Variants in TMEM237 observed in about 807,000 individuals in gnomAD.
TMEM237 encodes amyotrophic lateral sclerosis 2 (juvenile) chromosome region, candidate 4.
Under a neutral mutation model 59.1 loss-of-function variants are expected in TMEM237, and 51 were observed. The ratio of observed to expected loss-of-function variants is 0.86; its 90% CI spans 0.69 to 1.09. The LOEUF is 1.09. TMEM237 is among the 50% of genes least tolerant of loss of function. The probability of loss-of-function intolerance (pLI) is 0.00; values close to 1 mark genes in which losing one functional copy is unlikely to be tolerated. For missense variants in TMEM237, 475 were observed against 478.3 expected, an observed-to-expected ratio of 0.99 and a Z score of 0.06; for synonymous variants, 140 against 166.1, an observed-to-expected ratio of 0.84 and a Z score of 1.21.
Position 201,643,274 on chromosome 2 carries a change from G to GCCCCCCC in TMEM237, c.42+78_42+84dup. The stretch of plus-strand genomic sequence containing the variant: ...CCTTAGTGATTCCCAGCTCGTTGGC[G>GCCCCCCC]CCCCCCCACACACACCCACCCCCAC... On this transcript the variant is annotated intron_variant, in intron 1 of 12. Coordinates refer to ENST00000409883, the MANE Select transcript of TMEM237 (RefSeq NM_001044385.3). This position sits in a 1 kb window ranked among gnomAD's most constrained non-coding sequence, Gnocchi z 4.3. The GCCCCCCC allele has an allele frequency of 2.5e-6, 3 of 1,206,758 alleles. No homozygotes were observed. Among genetic ancestry groups the GCCCCCCC allele is most frequent in the South Asian group, 2.7e-5 (2 of 74,070 alleles). 74.8% of individuals were successfully genotyped at this position (1,206,758 alleles called of 1,614,324 possible).
intron 7 of TMEM237, 59 bp downstream of exon 7, chr2:201,631,992 A>G: frequency 6.4e-7 from 1 of 1,564,652 alleles, no homozygotes; most frequent in South Asian, 1.2e-5. Flanking sequence ...CAGAAGTATA[A>G]AGGATATCCT....
intron 12 of TMEM237, among the ~76,000 whole-genome samples, chr2:201,625,145 G>A (rs527966525): frequency 5.2e-4 from 79 of 152,208 alleles, no homozygotes; most frequent in African/African-American, 1.8e-3. Context: ...GGCGGATCAC[G>A]AGGTCAGGAG....
chr2:201,629,490 C>A (rs1038805743), intron 8 of TMEM237, 69 bp from the exon 9 acceptor site: 2 of 1,409,602 alleles, frequency 1.4e-6, no homozygotes, highest in African/African-American at 2.9e-5. Flanking sequence ...TGTTTAAAAT[C>A]TCTTCATATA....
chr2:201,638,246 TTTG>T (rs1687341845), intron 4 of TMEM237, among the ~76,000 whole-genome samples: 1 of 152,176 alleles, frequency 6.6e-6, no homozygotes, highest in African/African-American at 2.4e-5. Context: ...CTTTTATGTT[TTTG>T]TTGTTGTTTG....
chr2:201,624,679 G>T (rs920305506), intron 12 of TMEM237, among the ~76,000 whole-genome samples: 1 of 152,126 alleles, frequency 6.6e-6, no homozygotes, highest in African/African-American at 2.4e-5. Context: ...AAACATAGGG[G>T]ACAGATACAG....
At position 201,625,294 on chromosome 2, in the gene TMEM237, G is replaced by A. The variant is rs897974064; in HGVS notation, c.1159+732C>T. Among the ~76,000 whole-genome samples the A allele has an allele frequency of 9.2e-5, 14 of 151,998 alleles. 1 individual carries two copies. The highest frequency in any genetic ancestry group is 2.7e-4 in the African/African-American group (11 of 41,428). Reference sequence around the variant, plus strand: ...GGAGAATGACATGAACCCGGGAGGCGGAGCTTGCAGTGAGCCCAGATCGAG... The same window carrying A: ...GGAGAATGACATGAACCCGGGAGGCAGAGCTTGCAGTGAGCCCAGATCGAG... On this transcript the variant is annotated intron_variant, in intron 12 of 12. Coordinates refer to ENST00000409883, the MANE Select transcript of TMEM237 (RefSeq NM_001044385.3).
At position 201,640,930 on chromosome 2, in the gene TMEM237, G is replaced by C; in HGVS notation, c.43-6C>G. ...GGAAGAGCTCGTGGAGGACGCTGTGGCGGAAAAAATAAATTTGCTTGTAAG... is the reference window on the plus strand; with the variant it reads ...GGAAGAGCTCGTGGAGGACGCTGTGCCGGAAAAAATAAATTTGCTTGTAAG... On this transcript the variant is annotated splice_polypyrimidine_tract_variant and splice_region_variant and intron_variant, in intron 1 of 12. Transcript: ENST00000409883. The C allele has an allele frequency of 6.2e-7, 1 of 1,602,036 alleles. No individual in the cohort carries two copies.
Position 201,627,326 on chromosome 2 carries a change from G to C in TMEM237, c.1032C>G (p.Ser344Arg), listed in dbSNP as rs1559584905. 1.2e-6 allele frequency: 2 copies of C among 1,602,924 alleles called. No homozygotes were observed. The highest frequency in any genetic ancestry group is 2.7e-5 in the African/African-American group (2 of 74,860). ...ATGTCATTGTGAATTCTTACCAGAG[G>C]CTACCATTAACAGAAGAAGGTGTGT... ...HLYTPSSVNG[S>R]LWEAGIEEQI... Residue 344 changes from serine to arginine, a missense_variant, in exon 11 of 13, where the codon AGC (serine) becomes AGG (arginine). By Grantham distance (110) the Ser-to-Arg change is moderately radical (BLOSUM62 -1). Transcript: ENST00000409883.
rs1480186342 is a variant in TMEM237 at position 201,627,333 on chromosome 2, T to C, written c.1025A>G (p.Asn342Ser). The change falls in exon 11 of 13, where the codon AAT (asparagine) becomes AGT (serine). Residue 342 changes from asparagine (N) to serine (S), a missense_variant. Transcript: ENST00000409883. The part of the protein sequence containing the change: ...RIHLYTPSSV[N>S]GSLWEAGIEE... The stretch of plus-strand genomic sequence containing the variant: ...TGTGAATTCTTACCAGAGGCTACCA[T>C]TAACAGAAGAAGGTGTGTAAAGGTG... 6.2e-7 allele frequency: 1 copy of C among 1,606,288 alleles called. No homozygotes were observed. Among genetic ancestry groups the C allele is most frequent in the South Asian group, 1.1e-5 (1 of 89,048 alleles).
intron 1 of TMEM237, chr2:201,642,742 TACCCC>T: frequency 2.7e-6 from 4 of 1,484,672 alleles, no homozygotes; most frequent in Non-Finnish European, 3.6e-6. Flanking sequence ...GCCTGGCTAG[TACCCC>T]GCGCGCAGCG....
chr2:201,642,951 C>T lies in TMEM237; in HGVS notation c.42+408G>A, dbSNP rs1687460664. On this transcript the variant is annotated intron_variant, in intron 1 of 12. Transcript: ENST00000409883. ...GGTGATTTGTTTGCGGGAAGCGGGG[C>T]GTGACGGAAGACCTTAATTAAAGGA... is the stretch of plus-strand genomic sequence containing the variant. The T allele has an allele frequency of 3.0e-6, 4 of 1,317,636 alleles. No homozygotes were observed. In the South Asian group the frequency reaches 8.4e-5, roughly 28 times the overall value. The allele number at this position is 1,317,636 out of a possible 1,614,324, so 81.6% of individuals were successfully genotyped here.
intron 6 of TMEM237, among the ~76,000 whole-genome samples, chr2:201,632,604 C>T (rs1266331980): frequency 1.3e-5 from 2 of 152,166 alleles, no homozygotes; most frequent in East Asian, 3.8e-4. Flanking sequence ...AAGGGGCTTC[C>T]CCCTTCACTC....
rs1436926924 is a variant in TMEM237, at chr2:201,635,412, T to A, written c.274+1336A>T. ...AAAATGTGAAGATGGAAGCAGAGAT[T>A]GGCATTATGCCACCACAAGTCAAAC... On this transcript the variant is annotated intron_variant, in intron 5 of 12. Coordinates refer to ENST00000409883, the MANE Select transcript of TMEM237 (RefSeq NM_001044385.3). This position sits in a 1 kb window ranked among gnomAD's most constrained non-coding sequence, Gnocchi z 4.5. Among the ~76,000 whole-genome samples, 1 of 152,188 alleles carries A rather than the reference T, an allele frequency of 6.6e-6. No individual in the cohort carries two copies. Among genetic ancestry groups the A allele is most frequent in the African/African-American group, 2.4e-5 (1 of 41,450 alleles).
chr2:201,632,090 T>C lies in TMEM237; in HGVS notation c.514A>G (p.Ile172Val), dbSNP rs1957812758. 6.2e-7 allele frequency: 1 copy of C among 1,613,958 alleles called. No individual in the cohort carries two copies. The highest frequency in any genetic ancestry group is 1.1e-5 in the South Asian group (1 of 91,074). Residue 172 changes from isoleucine to valine, a missense_variant, in exon 7 of 13, where the codon ATT becomes GTT. Ile to Val is a conservative substitution (Grantham distance 29, BLOSUM62 3). Transcript: ENST00000409883. ...AATACTTTGCCTACAGGCTGGCTAATGCCAGTGGGTGCAGTGAATACAGAC... is the reference window on the plus strand; with the variant it reads ...AATACTTTGCCTACAGGCTGGCTAACGCCAGTGGGTGCAGTGAATACAGAC... ...QQSVFTAPTGISQPVGKVFVE... is the reference protein window; with the variant it reads ...QQSVFTAPTGVSQPVGKVFVE...
In TMEM237 at chr2:201,638,829, C is replaced by T. The variant is rs896282110; in HGVS notation, c.136+160G>A. 7 of 712,068 alleles carry T rather than the reference C, an allele frequency of 9.8e-6. No homozygotes were observed. In the African/African-American group the frequency reaches 1.1e-4, roughly 11 times the overall value. The allele number at this position is 712,068 out of a possible 1,614,324, so 44.1% of individuals were successfully genotyped here. ...TGCCCACTGCCCTGTACCTCACCAC[C>T]ACCAGGAATTCCACTGCTTCAAACT... On this transcript the variant is annotated intron_variant, in intron 4 of 12. Coordinates refer to ENST00000409883, the MANE Select transcript of TMEM237 (RefSeq NM_001044385.3).
rs372581479 is a variant in TMEM237, at chr2:201,636,816, G to A, written c.206C>T (p.Thr69Ile). 4 of 1,602,548 alleles carry A rather than the reference G, an allele frequency of 2.5e-6. No homozygotes were observed. The highest frequency in any genetic ancestry group is 1.7e-4 in the Middle Eastern group (1 of 6,000). Residue 69 changes from threonine to isoleucine, a missense_variant, in exon 5 of 13, where the codon ACT becomes ATT. Coordinates refer to ENST00000409883, the MANE Select transcript of TMEM237 (RefSeq NM_001044385.3). The stretch of plus-strand genomic sequence containing the variant: ...CTCTGGGTGCTCTTTGAGTTCTTTA[G>A]TTGATGGCTCATTGCCCTCAGAGGG... ...RRPSEGNEPS[T>I]KELKEHPEAP...
intron 12 of TMEM237, among the ~76,000 whole-genome samples, 184 bp from the exon 13 acceptor site, chr2:201,624,506 A>C (rs565104141): frequency 6.6e-6 from 1 of 152,368 alleles, no homozygotes; most frequent in Non-Finnish European, 1.5e-5. Flanking sequence ...CAAATGTACA[A>C]GTTTTACATT....
chr2:201,629,986 G>T, intron 7 of TMEM237, 134 bp from the exon 8 acceptor site: 1 of 1,107,412 alleles, frequency 9.0e-7, no homozygotes, highest in Non-Finnish European at 1.3e-6. Context: ...AATTCTCCTT[G>T]ACTCAGTACC....
chr2:201,638,244 T>C (rs1473823929), intron 4 of TMEM237, among the ~76,000 whole-genome samples: 1 of 152,190 alleles, frequency 6.6e-6, no homozygotes, highest in Non-Finnish European at 1.5e-5. Flanking sequence ...TCCTTTTATG[T>C]TTTTGTTGTT....
Sources: gnomAD v4.1 joint callset for allele counts (sites outside exome capture counted in the v4.1 genomes callset) on GRCh38, gnomAD v4.1.1 for gene constraint, Gnocchi (gnomAD v3.1) non-coding constraint, MANE v1.5 for transcripts, NCBI Gene and HGNC (gene_info 2026-07-23, HGNC 2026-07-21) for gene names.